Variants in GABRP observed in about 807,000 individuals in gnomAD.
The protein encoded by GABRP is gamma-aminobutyric acid receptor subunit pi.
In GABRP, 52 loss-of-function variants were observed where a neutral mutation model predicts 47.8. The observed-to-expected ratio is 1.09, with a 90% CI of 0.87 to 1.37. The LOEUF (loss-of-function observed/expected upper bound fraction) is 1.37, where lower values mean the gene tolerates loss of function less well. GABRP is among the 40% of genes most tolerant of loss of function. The pLI, the probability that GABRP is intolerant of heterozygous loss-of-function variation, is 0.00. For synonymous variants in GABRP, 221 were observed against 205.8 expected (o/e 1.07, Z -0.63); for missense variants, 525 against 542.8 (o/e 0.97, Z 0.33).
At chr5:170,808,831 T>C in intron 8 of GABRP, 79 bp downstream of exon 8, 2 of 1,266,234 alleles carry the variant, frequency 1.6e-6, no homozygotes, top group Non-Finnish European at 2.2e-6. Flanking sequence ...ATTGTCTTCA[T>C]TGATATTCCT....
At chr5:170,789,049 C>A (rs888024490) in intron 2 of GABRP, 80 bp from the exon 3 acceptor site, 1 of 1,095,360 alleles carries the variant, frequency 9.1e-7, no homozygotes, top group Non-Finnish European at 1.4e-6. Context: ...CACACGTGGG[C>A]AAACACAAGC....
intron 7 of GABRP, 91 bp downstream of exon 7, chr5:170,805,944 A>G: frequency 7.0e-7 from 1 of 1,420,258 alleles, no homozygotes; most frequent in Middle Eastern, 1.9e-4. Flanking sequence ...TTCTCACTTT[A>G]CCTCCTTGGG....
rs570503629 is a variant in GABRP, at chr5:170,812,954, G to A, written c.*696G>A. ...TAAGATACAATGGATTCCCCATACT[G>A]GAAGGACTCTGAGGCTTTATTCCCC... is the stretch of plus-strand genomic sequence containing the variant. On this transcript the variant is annotated 3_prime_UTR_variant, in exon 10 of 10. Coordinates refer to ENST00000265294, the MANE Select transcript of GABRP (RefSeq NM_014211.3). 2 of 152,258 alleles carry A rather than the reference G, an allele frequency of 1.3e-5. No individual in the cohort carries two copies. The highest frequency in any genetic ancestry group is 4.2e-4 in the South Asian group (2 of 4,812). The allele number at this position is 152,258 out of a possible 1,614,324, so 9.4% of individuals were successfully genotyped here.
At position 170,789,144 on chromosome 5, in the gene GABRP, G is replaced by A. The variant is rs923624236; in HGVS notation, c.69G>A (p.Gly23=). The stretch of plus-strand genomic sequence containing the variant: ...TCTTTTCCAGGATGTGCATCCAGGG[G>A]AGTCAGTTCAACGTCGAGGTCGGCA... ...SLFTERMCIQ[G]SQFNVEVGRS... The change falls in exon 3 of 10, where the codon GGG becomes GGA. Residue 23 remains glycine (G), a synonymous_variant. Coordinates refer to ENST00000265294, the MANE Select transcript of GABRP (RefSeq NM_014211.3). The A allele has an allele frequency of 1.2e-6, 2 of 1,613,878 alleles. No homozygotes were observed. The highest frequency in any genetic ancestry group is 1.3e-5 in the African/African-American group (1 of 75,038).
intron 6 of GABRP, among the ~76,000 whole-genome samples, chr5:170,801,397 T>C (rs1462368900): frequency 1.3e-5 from 2 of 152,308 alleles, no homozygotes; most frequent in South Asian, 2.1e-4. Flanking sequence ...ATCATCATTG[T>C]TCCCCAAATT....
intron 6 of GABRP, among the ~76,000 whole-genome samples, chr5:170,804,185 CATAT>C (rs70982304): frequency 0.28 from 41,325 of 148,744 alleles, 6,630 homozygotes; most frequent in East Asian, 0.52. Context: ...TCTTTGTATG[CATAT>C]ATATATATAT....
At chr5:170,795,672 G>A (rs993169135) in intron 5 of GABRP, among the ~76,000 whole-genome samples, 26 of 152,190 alleles carry the variant, frequency 1.7e-4, no homozygotes, top group Non-Finnish European at 2.9e-4. Flanking sequence ...CTCAAGACAC[G>A]GACATGGAAA....
At chr5:170,792,800 C>T (rs976462293) in intron 3 of GABRP, among the ~76,000 whole-genome samples, 4 of 152,164 alleles carry the variant, frequency 2.6e-5, no homozygotes, top group African/African-American at 7.2e-5. Flanking sequence ...TTTGCCTTGC[C>T]GTATTCCTAC....
intron 1 of GABRP, among the ~76,000 whole-genome samples, chr5:170,784,309 G>T (rs1337180599): frequency 1.3e-5 from 2 of 151,958 alleles, no homozygotes; most frequent in Non-Finnish European, 1.5e-5. Context: ...GGGGTTGGGG[G>T]TCACTGTATT....
chr5:170,794,323 A>G (rs1373089672), intron 4 of GABRP, 25 bp downstream of exon 4: 5 of 1,438,386 alleles, frequency 3.5e-6, no homozygotes, highest in Non-Finnish European at 4.8e-6. Context: ...TTTGTACTCT[A>G]CCCAAGTAGT....
At chr5:170,799,195 C>G (rs904627868) in intron 6 of GABRP, among the ~76,000 whole-genome samples, 1 of 152,140 alleles carries the variant, frequency 6.6e-6, no homozygotes, top group Non-Finnish European at 1.5e-5. Context: ...GGACATTTGG[C>G]TTGGTTCCAA....
intron 6 of GABRP, among the ~76,000 whole-genome samples, chr5:170,804,991 AT>A (rs1554120343): frequency 4.7e-5 from 5 of 105,768 alleles, no homozygotes; most frequent in African/African-American, 9.9e-5. Context: ...ATTATATTAT[AT>A]TATATATTAT....
In GABRP at chr5:170,789,186, C is replaced by T. The variant is rs72837675; in HGVS notation, c.111C>T (p.Ser37=). Residue 37 remains serine (S), a synonymous_variant, in exon 3 of 10, where the codon TCC becomes TCT. Coordinates refer to ENST00000265294, the MANE Select transcript of GABRP (RefSeq NM_014211.3). Reference sequence around the variant, plus strand: ...AGGTCGGCAGAAGTGACAAGCTTTCCCTGCCTGGCTTTGAGAACCTCACAG... The same window carrying T: ...AGGTCGGCAGAAGTGACAAGCTTTCTCTGCCTGGCTTTGAGAACCTCACAG... ...NVEVGRSDKL[S]LPGFENLTAG... is the part of the protein sequence containing the mutation. The T allele has an allele frequency of 6.2e-7, 1 of 1,614,176 alleles. No individual in the cohort carries two copies. The highest frequency in any genetic ancestry group is 8.5e-7 in the Non-Finnish European group (1 of 1,180,032).
chr5:170,800,475 G>A (rs1225423730), intron 6 of GABRP, among the ~76,000 whole-genome samples: 1 of 151,638 alleles, frequency 6.6e-6, no homozygotes, highest in African/African-American at 2.4e-5. Flanking sequence ...TTTTTTTTCT[G>A]TGCAAAGCAC....
chr5:170,808,796 G>A, intron 8 of GABRP, 44 bp downstream of exon 8: 5 of 1,576,124 alleles, frequency 3.2e-6, no homozygotes, highest in South Asian at 1.1e-5. Context: ...GGCTTATCAG[G>A]TTACTTACTT....
chr5:170,805,757 G>C lies in GABRP; in HGVS notation c.583G>C (p.Gly195Arg), dbSNP rs762621670. 6.2e-7 allele frequency: 1 copy of C among 1,614,196 alleles called. No homozygotes were observed. The highest frequency in any genetic ancestry group is 8.5e-7 in the Non-Finnish European group (1 of 1,180,032). The stretch of plus-strand genomic sequence containing the variant: ...TGATGTGGAGTTCACCTGGCTGAGA[G>C]GGAACGACTCTGTGCGTGGACTGGA... ...GNDVEFTWLR[G>R]NDSVRGLEHL... is the part of the protein sequence containing the mutation. The change falls in exon 7 of 10, where the codon GGG becomes CGG. Residue 195 changes from glycine (G) to arginine (R), a missense_variant. Physicochemically the swap from Gly to Arg is moderately radical, Grantham distance 125 (BLOSUM62 -2). Transcript: ENST00000265294.
At chr5:170,792,239 T>C (rs1765292617) in intron 3 of GABRP, among the ~76,000 whole-genome samples, 1 of 152,068 alleles carries the variant, frequency 6.6e-6, no homozygotes, top group Admixed American at 6.6e-5. Flanking sequence ...GGTCAGGAGT[T>C]AGAGACCAGC....
At chr5:170,788,465 A>T (rs983517364) in intron 1 of GABRP, 109 bp from the exon 2 acceptor site, 1 of 678,384 alleles carries the variant, frequency 1.5e-6, no homozygotes, top group Non-Finnish European at 2.6e-6. Flanking sequence ...GCTGCTTCCT[A>T]TGCATGCTGA....
chr5:170,793,788 C>T (rs535127717), intron 3 of GABRP, among the ~76,000 whole-genome samples: 5 of 152,190 alleles, frequency 3.3e-5, no homozygotes, highest in Admixed American at 6.5e-5. Context: ...ACAAATTAGC[C>T]GGGCTTGGTG....
Sources: gnomAD v4.1 joint callset for allele counts (sites outside exome capture counted in the v4.1 genomes callset) on GRCh38, gnomAD v4.1.1 for gene constraint, MANE v1.5 for transcripts, NCBI Gene and HGNC (gene_info 2026-07-23, HGNC 2026-07-21) for gene names.